HSD17B12: variants seen among roughly 807,000 people sequenced by gnomAD.
The protein encoded by HSD17B12 is hydroxysteroid 17-beta dehydrogenase 12.
In HSD17B12, 32 loss-of-function variants were observed where a neutral mutation model predicts 39.3. The ratio of observed to expected loss-of-function variants is 0.81; its 90% confidence interval spans 0.61 to 1.09. The LOEUF (loss-of-function observed/expected upper bound fraction) is 1.09, where lower values mean the gene tolerates loss of function less well. Ranked by LOEUF, HSD17B12 falls within the 50% of genes least tolerant of loss-of-function variation. The pLI is 0.00. For synonymous variants in HSD17B12, 150 were observed against 146.7 expected, an observed-to-expected ratio of 1.02 and a Z score of -0.16; for missense variants, 342 against 382.9, an observed-to-expected ratio of 0.89 and a Z score of 0.89.
chr11:43,657,589 C>A, the HSD17B12 span, among the ~76,000 whole-genome samples: 1 of 152,154 alleles, frequency 6.6e-6, no homozygotes, highest in East Asian at 1.9e-4. Flanking sequence ...TCTTTTAGGG[C>A]AGGCCTGGTG....
At chr11:43,603,022 A>G in the HSD17B12 span, among the ~76,000 whole-genome samples, 6 of 152,188 alleles carry the variant, frequency 3.9e-5, no homozygotes, top group African/African-American at 1.4e-4. Context: ...GGGAGGCTGG[A>G]TGTGAGATTG....
At chr11:43,768,996 A>G (rs560238652) in intron 3 of HSD17B12, among the ~76,000 whole-genome samples, 1 of 152,310 alleles carries the variant, frequency 6.6e-6, no homozygotes, top group East Asian at 1.9e-4. Flanking sequence ...CGAAGTCCCC[A>G]CCAGACTCAG....
intron 1 of HSD17B12, among the ~76,000 whole-genome samples, chr11:43,729,469 G>A (rs1348112679): frequency 1.3e-5 from 2 of 152,162 alleles, no homozygotes; most frequent in African/African-American, 4.8e-5. Context: ...CTCTAGTCCA[G>A]ACAGTAAACT....
chr11:43,591,969 T>C, the HSD17B12 span, among the ~76,000 whole-genome samples: 1 of 152,100 alleles, frequency 6.6e-6, no homozygotes, highest in Admixed American at 6.5e-5. Context: ...ATTCATTCCT[T>C]AATTTGAAAA....
chr11:43,719,623 A>AT (rs200652551), intron 1 of HSD17B12, among the ~76,000 whole-genome samples: 19 of 127,276 alleles, frequency 1.5e-4, no homozygotes, highest in African/African-American at 4.8e-4. Flanking sequence ...TTCAAAAAAA[A>AT]AAAAATATAT....
At chr11:43,714,135 C>T (rs1234819957) in intron 1 of HSD17B12, among the ~76,000 whole-genome samples, 3 of 152,138 alleles carry the variant, frequency 2.0e-5, no homozygotes, top group Non-Finnish European at 4.4e-5. Context: ...TAATTAGATC[C>T]CATTTGTCAA....
At chr11:43,638,181 G>A in the HSD17B12 span, among the ~76,000 whole-genome samples, 21 of 152,268 alleles carry the variant, frequency 1.4e-4, no homozygotes, top group Non-Finnish European at 3.1e-4. Context: ...TAGAATGTTC[G>A]TGCTAAATGG....
the HSD17B12 span, among the ~76,000 whole-genome samples, chr11:43,649,319 AATATC>A: frequency 6.6e-6 from 1 of 152,122 alleles, no homozygotes; most frequent in Admixed American, 6.5e-5. Context: ...TTATATATAT[AATATC>A]ATATTAATTT....
intron 1 of HSD17B12, among the ~76,000 whole-genome samples, chr11:43,695,437 G>C (rs1323739739): frequency 6.6e-6 from 1 of 152,018 alleles, no homozygotes; most frequent in Non-Finnish European, 1.5e-5. Context: ...AATTAGCTGG[G>C]CGTGGTGGTG....
At chr11:43,587,125 C>G in the HSD17B12 span, among the ~76,000 whole-genome samples, 5 of 152,192 alleles carry the variant, frequency 3.3e-5, no homozygotes, top group African/African-American at 9.6e-5. Flanking sequence ...CCTCTCTAGG[C>G]CTCAATATCT....
chr11:43,707,840 T>C (rs1056273444), intron 1 of HSD17B12, among the ~76,000 whole-genome samples: 6 of 152,174 alleles, frequency 3.9e-5, no homozygotes, highest in African/African-American at 1.4e-4. Context: ...CTTGGTCAGT[T>C]TGGGCTGCTG....
intron 1 of HSD17B12, among the ~76,000 whole-genome samples, chr11:43,727,985 T>G (rs1052276895): frequency 6.6e-6 from 1 of 152,198 alleles, no homozygotes; most frequent in African/African-American, 2.4e-5. Flanking sequence ...AAATACAAAC[T>G]GAATTAAGCA....
At chr11:43,802,889 G>A (rs1467067099) in intron 4 of HSD17B12, among the ~76,000 whole-genome samples, 1 of 152,038 alleles carries the variant, frequency 6.6e-6, no homozygotes, top group Non-Finnish European at 1.5e-5. Flanking sequence ...ATTTCTAGTT[G>A]GTTGCAAATC....
At chr11:43,676,801 C>T (rs1443776005), upstream of HSD17B12, among the ~76,000 whole-genome samples, 1 of 152,178 alleles carries the variant, frequency 6.6e-6, no homozygotes, top group Non-Finnish European at 1.5e-5. Flanking sequence ...GGGCCACAGA[C>T]AGACATATGC....
chr11:43,652,183 C>G, the HSD17B12 span, among the ~76,000 whole-genome samples: 1 of 152,016 alleles, frequency 6.6e-6, no homozygotes. Flanking sequence ...CTAGGGTAGT[C>G]AAGACAAGAA....
At chr11:43,736,333 A>T (rs1950316374) in intron 1 of HSD17B12, among the ~76,000 whole-genome samples, 1 of 151,718 alleles carries the variant, frequency 6.6e-6, no homozygotes, top group Non-Finnish European at 1.5e-5. Context: ...GATGCTTTGA[A>T]TTTTTGTTAT....
At chr11:43,747,566 C>T (rs1950423405) in intron 1 of HSD17B12, among the ~76,000 whole-genome samples, 1 of 152,188 alleles carries the variant, frequency 6.6e-6, no homozygotes, top group African/African-American at 2.4e-5. Flanking sequence ...GAGAGCTGCT[C>T]TCTTATCTGT....
the HSD17B12 span, among the ~76,000 whole-genome samples, chr11:43,656,468 C>T: frequency 6.6e-6 from 1 of 152,068 alleles, no homozygotes; most frequent in South Asian, 2.1e-4. Flanking sequence ...GCTCTTGCTT[C>T]TCTAGGTCTT....
intron 9 of HSD17B12, among the ~76,000 whole-genome samples, chr11:43,850,971 G>A (rs1951525483): frequency 6.6e-6 from 1 of 152,234 alleles, no homozygotes; most frequent in Non-Finnish European, 1.5e-5. Context: ...TGAGGCAGGG[G>A]AATTGCTTGA....
Sources: gnomAD v4.1 joint callset for allele counts (sites outside exome capture counted in the v4.1 genomes callset) on GRCh38, gnomAD v4.1.1 for gene constraint, MANE v1.5 for transcripts, NCBI Gene and HGNC (gene_info 2026-07-23, HGNC 2026-07-21) for gene names.